The following POU2F2 variants were observed in gnomAD, a reference collection of about 807,000 sequenced individuals.
POU2F2 encodes the protein POU class 2 homeobox 2.
Under a neutral mutation model 63.5 loss-of-function variants are expected in POU2F2, and 14 were observed. That is an observed-to-expected ratio of 0.22 (90% confidence interval 0.15 to 0.34). The LOEUF is 0.34. Ranked by LOEUF, POU2F2 falls within the 10% of genes least tolerant of loss-of-function variation. The probability of loss-of-function intolerance (pLI) is 1.00; values close to 1 mark genes in which losing one functional copy is unlikely to be tolerated. For missense variants in POU2F2, 607 were observed against 815.2 expected (o/e 0.74, Z 3.11); for synonymous variants, 306 against 348.6 (o/e 0.88, Z 1.36).
At chr19:42,125,450 GC>G (rs2033111916) in intron 1 of POU2F2, among the ~76,000 whole-genome samples, 1 of 152,102 alleles carries the variant, frequency 6.6e-6, no homozygotes, top group Admixed American at 6.5e-5. Context: ...CTGTTTCCTG[GC>G]CCTGGGGACA....
chr19:42,097,505 T>C (rs2076968943), intron 7 of POU2F2, among the ~76,000 whole-genome samples: 1 of 151,990 alleles, frequency 6.6e-6, no homozygotes, highest in Non-Finnish European at 1.5e-5. Context: ...CTTTTTTTTT[T>C]TTTTTGGTAT....
Position 42,092,001 on chromosome 19 carries a change from C to T in POU2F2, c.1467-61G>A, listed in dbSNP as rs2076734175. The stretch of plus-strand genomic sequence containing the variant: ...GGGACCTGCCAACATAACTGGGGTG[C>T]CGCTCCCCACCCTAGAAGCAGCAGC... On this transcript the variant is annotated intron_variant, in intron 13 of 14. Transcript: ENST00000692977. The surrounding 1 kb of genome is among the most constrained non-coding windows in gnomAD (Gnocchi z 5.0). The T allele has an allele frequency of 6.5e-7, 1 of 1,537,356 alleles. No individual in the cohort carries two copies. Among genetic ancestry groups the T allele is most frequent in the South Asian group, 1.2e-5 (1 of 80,346 alleles).
chr19:42,138,536 G>A (rs1169133873), intron 2 of POU2F2, among the ~76,000 whole-genome samples: 1 of 152,080 alleles, frequency 6.6e-6, no homozygotes, highest in Admixed American at 6.6e-5. Context: ...AGGCTTCTGC[G>A]CAGAAGCATT....
At chr19:42,136,186 CTTTTT>C (rs775409108), upstream of POU2F2, among the ~76,000 whole-genome samples, 2 of 130,460 alleles carry the variant, frequency 1.5e-5, no homozygotes, top group Non-Finnish European at 3.3e-5. Flanking sequence ...CTATGCTTTC[CTTTTT>C]TTTTTTTTTT....
intron 1 of POU2F2, among the ~76,000 whole-genome samples, chr19:42,194,806 GAGGAAGAAGGA>G (rs2035113481): frequency 7.4e-6 from 1 of 135,118 alleles, no homozygotes; most frequent in African/African-American, 2.8e-5. Flanking sequence ...GGGAGGGAGG[GAGGAAGAAGGA>G]AGAAAGGCAG....
upstream of POU2F2, chr19:42,132,608 G>C (rs551109675): frequency 4.0e-5 from 18 of 447,592 alleles, no homozygotes; most frequent in South Asian, 1.0e-3. Context: ...TGTGCTGGGG[G>C]GTGGGGGCTA....
intron 1 of POU2F2, among the ~76,000 whole-genome samples, chr19:42,170,144 G>T (rs1183239536): frequency 1.3e-5 from 2 of 152,132 alleles, no homozygotes; most frequent in African/African-American, 4.8e-5. Context: ...AGCATGGGTT[G>T]TGTGACCCCC....
At chr19:42,168,087 G>C (rs548488766) in intron 1 of POU2F2, among the ~76,000 whole-genome samples, 1 of 152,340 alleles carries the variant, frequency 6.6e-6, no homozygotes, top group African/African-American at 2.4e-5. Context: ...AGTCGTAGCA[G>C]TGGCCAAGAT....
upstream of POU2F2, among the ~76,000 whole-genome samples, chr19:42,134,017 G>A (rs940562359): frequency 3.9e-5 from 6 of 152,282 alleles, no homozygotes; most frequent in East Asian, 5.8e-4. Context: ...ATCCCGTATC[G>A]TAAAGGCCAT....
Position 42,090,478 on chromosome 19 carries a change from G to A in POU2F2, c.*779C>T, listed in dbSNP as rs1318432932. ...CCTTCCCTTGAACTCTCCCCTGCTG[G>A]GGGGAGGGAGGAGGTTAAAGCAAGA... On this transcript the variant is annotated 3_prime_UTR_variant, in exon 15 of 15. Coordinates refer to ENST00000692977, the MANE Select transcript of POU2F2 (RefSeq NM_001394376.1). The surrounding 1 kb of genome is among the most constrained non-coding windows in gnomAD (Gnocchi z 4.4). 1 of 152,664 alleles carries A rather than the reference G, an allele frequency of 6.6e-6. No homozygotes were observed. Among genetic ancestry groups the A allele is most frequent in the Non-Finnish European group, 1.5e-5 (1 of 68,058 alleles). 9.5% of individuals were successfully genotyped at this position (152,664 alleles called of 1,614,324 possible). A position where few individuals can be genotyped will look rare whatever the true frequency, so the allele number is the denominator to read the frequency against.
At chr19:42,099,853 C>A (rs756205005) in intron 5 of POU2F2, 32 bp from the exon 6 acceptor site, 33 of 1,526,982 alleles carry the variant, frequency 2.2e-5, no homozygotes, top group Non-Finnish European at 2.8e-5. Flanking sequence ...AGAAAGATAG[C>A]CTGAGTCCTG....
upstream of POU2F2, among the ~76,000 whole-genome samples, chr19:42,178,560 G>A (rs765108056): frequency 4.0e-5 from 6 of 151,546 alleles, no homozygotes; most frequent in Admixed American, 6.6e-5. Context: ...TGAAAGAGCC[G>A]TTGAAAGAGA....
chr19:42,122,139 C>T lies in POU2F2; in HGVS notation c.173G>A (p.Gly58Asp), dbSNP rs147555913. 22 of 1,613,340 alleles carry T rather than the reference C, an allele frequency of 1.4e-5. No individual in the cohort carries two copies. Among genetic ancestry groups the T allele is most frequent in the Non-Finnish European group, 1.9e-5 (22 of 1,179,500 alleles). Residue 58 changes from glycine to aspartate, a missense_variant, in exon 4 of 15, where the codon GGC becomes GAC. Around this residue, in one of 7 missense-constraint regions of POU2F2, gnomAD observed 224 missense variants for 264.3 expected, o/e 0.85. Transcript: ENST00000692977. ...ACAGGTGCTTACCTTTGTACTGGGG[C>T]CAGTTGGGGACACGGAGAATGGGGA... The part of the protein sequence containing the change: ...KTSPFSVSPT[G>D]PSTKVGILSG...
chr19:42,192,319 T>C (rs1825699386), intron 1 of POU2F2, among the ~76,000 whole-genome samples: 1 of 152,024 alleles, frequency 6.6e-6, no homozygotes, highest in Non-Finnish European at 1.5e-5. Context: ...GGATAGAGGG[T>C]GGTGGAACCT....
intron 1 of POU2F2, among the ~76,000 whole-genome samples, chr19:42,171,729 C>T (rs1156863470): frequency 1.3e-5 from 2 of 152,102 alleles, no homozygotes; most frequent in African/African-American, 4.8e-5. Flanking sequence ...GGGGGAGGGT[C>T]CCCAGTCTGC....
intron 1 of POU2F2, among the ~76,000 whole-genome samples, chr19:42,166,525 C>T (rs1014991485): frequency 2.0e-5 from 3 of 152,216 alleles, no homozygotes; most frequent in Admixed American, 6.5e-5. Context: ...GACTCAAAGC[C>T]GGGTGTGTCT....
chr19:42,113,939 G>A (rs559850936), intron 5 of POU2F2, among the ~76,000 whole-genome samples: 1 of 152,198 alleles, frequency 6.6e-6, no homozygotes, highest in Non-Finnish European at 1.5e-5. Flanking sequence ...CCCATAGGAG[G>A]TGCTGTTGTA....
intron 1 of POU2F2, among the ~76,000 whole-genome samples, chr19:42,185,438 G>T (rs1201414891): frequency 6.6e-6 from 1 of 152,080 alleles, no homozygotes; most frequent in Non-Finnish European, 1.5e-5. Flanking sequence ...CAGGACAAAA[G>T]CCAAACTCCT....
intron 1 of POU2F2, among the ~76,000 whole-genome samples, chr19:42,191,991 T>C (rs1289234468): frequency 1.3e-5 from 2 of 152,172 alleles, no homozygotes; most frequent in Non-Finnish European, 2.9e-5. Context: ...CGTAAACACA[T>C]GTAAAGCATT....
Sources: allele counts gnomAD v4.1 joint callset (sites outside exome capture counted in the v4.1 genomes callset), GRCh38; gene constraint gnomAD v4.1.1; regional missense constraint gnomAD v4.1.1; non-coding constraint Gnocchi (gnomAD v3.1); transcripts MANE v1.5; gene names NCBI Gene and HGNC (gene_info 2026-07-23, HGNC 2026-07-21).